The following FGF13 variants were observed in gnomAD, a reference collection of about 807,000 sequenced individuals.
FGF13 encodes the protein fibroblast growth factor homologous factor 2.
Under a neutral mutation model 19.5 loss-of-function variants are expected in FGF13, and 2 were observed. The ratio of observed to expected loss-of-function variants is 0.10; its 90% CI spans 0.04 to 0.32. The LOEUF is 0.32. FGF13 is among the 10% of genes least tolerant of loss of function. FGF13 has a pLI of 1.00. For missense variants in FGF13, 113 were observed against 192.7 expected, an observed-to-expected ratio of 0.59 and a Z score of 2.45; for synonymous variants, 72 against 76.9, an observed-to-expected ratio of 0.94 and a Z score of 0.33.
intron 1 of FGF13, among the ~76,000 whole-genome samples, chrX:139,172,019 T>C (rs7876230): frequency 0.039 from 4,335 of 111,682 alleles, 187 homozygotes; most frequent in African/African-American, 0.12. Context: ...CTGAAAAAAA[T>C]ACCTTGAATG....
At chrX:138,981,335 A>G (rs987202807) in intron 1 of FGF13, among the ~76,000 whole-genome samples, 2 of 102,810 alleles carry the variant, frequency 1.9e-5, no homozygotes, top group African/African-American at 6.8e-5. Flanking sequence ...ACACACACAC[A>G]CACACACACA....
At chrX:139,123,929 A>G (rs1385012418) in intron 1 of FGF13, among the ~76,000 whole-genome samples, 1 of 112,279 alleles carries the variant, frequency 8.9e-6, no homozygotes, top group Non-Finnish European at 1.9e-5. Context: ...TAGCCAAACA[A>G]TCCTCCTTAA....
At chrX:139,088,780 C>T (rs1332666721) in intron 1 of FGF13, among the ~76,000 whole-genome samples, 1 of 111,590 alleles carries the variant, frequency 9.0e-6, no homozygotes, top group Admixed American at 9.5e-5. Flanking sequence ...ATGTCTGCAT[C>T]CCCACAAAAC....
chrX:139,162,665 A>G (rs774020538), intron 1 of FGF13, among the ~76,000 whole-genome samples: 13 of 112,418 alleles, frequency 1.2e-4, no homozygotes, highest in South Asian at 3.7e-4. Flanking sequence ...TAACATCCAG[A>G]ATCTACAAGG....
chrX:139,200,958 C>G (rs1417946373), intron 1 of FGF13, among the ~76,000 whole-genome samples: 1 of 111,969 alleles, frequency 8.9e-6, no homozygotes, highest in Admixed American at 9.5e-5. Context: ...CTTTCTTCTT[C>G]CCTGAAATGG....
At chrX:138,734,904 C>G (rs754110378) in intron 1 of FGF13, among the ~76,000 whole-genome samples, 1 of 111,321 alleles carries the variant, frequency 9.0e-6, no homozygotes, top group Non-Finnish European at 1.9e-5. Context: ...ATGAATTGGG[C>G]AAATTCCTCT....
intron 3 of FGF13, among the ~76,000 whole-genome samples, chrX:138,774,308 G>A (rs919977482): frequency 2.7e-5 from 3 of 111,733 alleles, no homozygotes; most frequent in Non-Finnish European, 5.6e-5. Flanking sequence ...GACTGATGAT[G>A]GTGACGAAGA....
chrX:138,770,069 A>C (rs1372484656), intron 3 of FGF13, among the ~76,000 whole-genome samples: 1 of 112,351 alleles, frequency 8.9e-6, no homozygotes, highest in Non-Finnish European at 1.9e-5. Flanking sequence ...TCTGCATACT[A>C]TGCCCCTCTC....
In FGF13 at chrX:139,013,477, TTTTATATATATATATATATATATA is replaced by T. The variant is rs1210175899; in HGVS notation, c.-112-148851_-112-148828del. ...TCAATCAATGAATGGATAAAGAAAATTTTATATATATATATATATATATATATATATATATATATATATATATAT... is the reference window on the plus strand; with the variant it reads ...TCAATCAATGAATGGATAAAGAAAATTATATATATATATATATATATATAT... On this transcript the variant is annotated intron_variant, in intron 1 of 2. Coordinates refer to the FGF13 transcript ENST00000421460. Among the ~76,000 whole-genome samples, 286 of 64,733 alleles carry T rather than the reference TTTTATATATATATATATATATATA, an allele frequency of 4.4e-3. 1 individual carries two copies. The highest frequency in any genetic ancestry group is 0.018 in the African/African-American group (263 of 14,733). 56.2% of individuals were successfully genotyped at this position (64,733 alleles called of 115,157 possible).
At chrX:138,868,021 ATG>A (rs939659490) in intron 1 of FGF13, among the ~76,000 whole-genome samples, 2 of 111,612 alleles carry the variant, frequency 1.8e-5, no homozygotes, top group African/African-American at 6.5e-5. Flanking sequence ...GGAGAAAAAG[ATG>A]GCTGTACTGC....
At chrX:139,107,883 T>TA (rs1011701657) in intron 1 of FGF13, among the ~76,000 whole-genome samples, 1 of 107,440 alleles carries the variant, frequency 9.3e-6, no homozygotes, top group African/African-American at 3.4e-5. Flanking sequence ...GCAGCAAAAG[T>TA]AAAAAAAGAA....
intron 1 of FGF13, among the ~76,000 whole-genome samples, chrX:139,113,265 T>A (rs1243885009): frequency 9.1e-6 from 1 of 109,591 alleles, no homozygotes; most frequent in Non-Finnish European, 1.9e-5. Flanking sequence ...CACCACCCCT[T>A]CTCATATTCT....
intron 3 of FGF13, among the ~76,000 whole-genome samples, chrX:138,811,134 A>T (rs1002316779): frequency 8.9e-6 from 1 of 112,199 alleles, no homozygotes; most frequent in Admixed American, 9.5e-5. Context: ...TGCTATAAAG[A>T]CACATGCACA....
chrX:139,083,172 T>C (rs1381370696), intron 1 of FGF13, among the ~76,000 whole-genome samples: 1 of 111,685 alleles, frequency 9.0e-6, no homozygotes, highest in African/African-American at 3.3e-5. Flanking sequence ...CTTTCCCTGC[T>C]TTCCCTTTCT....
chrX:138,765,885 C>T (rs1006483527), intron 3 of FGF13, among the ~76,000 whole-genome samples: 1 of 111,816 alleles, frequency 8.9e-6, no homozygotes, highest in African/African-American at 3.3e-5. Context: ...ATGTTCCATG[C>T]TCTTTCCCAC....
At chrX:139,041,632 C>T (rs1425253528) in intron 1 of FGF13, among the ~76,000 whole-genome samples, 1 of 111,890 alleles carries the variant, frequency 8.9e-6, no homozygotes, top group Admixed American at 9.5e-5. Flanking sequence ...TTTAGCTTTG[C>T]TCTTCTACAT....
intron 1 of FGF13, among the ~76,000 whole-genome samples, chrX:138,903,829 A>C (rs939288588): frequency 1.8e-5 from 2 of 111,853 alleles, no homozygotes; most frequent in African/African-American, 6.5e-5. Flanking sequence ...CCCAAAATAG[A>C]GTATTCTATG....
intron 1 of FGF13, among the ~76,000 whole-genome samples, chrX:139,117,032 TA>T (rs2083644537): frequency 9.0e-6 from 1 of 111,403 alleles, no homozygotes; most frequent in African/African-American, 3.3e-5. Flanking sequence ...TATTATCAAC[TA>T]CCATTAACTG....
intron 1 of FGF13, among the ~76,000 whole-genome samples, chrX:138,963,755 T>C (rs918794237): frequency 1.8e-5 from 2 of 112,151 alleles, no homozygotes; most frequent in African/African-American, 6.5e-5. Context: ...GAAAGTCCTA[T>C]TTAATTTGTC....
Sources: gnomAD v4.1 joint callset for allele counts (sites outside exome capture counted in the v4.1 genomes callset) on GRCh38, gnomAD v4.1.1 for gene constraint, MANE v1.5 for transcripts, NCBI Gene and HGNC (gene_info 2026-07-23, HGNC 2026-07-21) for gene names.